The following NFIL3 variants were observed in gnomAD, a reference collection of about 807,000 sequenced individuals.
NFIL3 encodes nuclear factor, interleukin 3 regulated.
NFIL3 carries 5 observed loss-of-function variants against 10.0 expected under a neutral mutation model. The observed-to-expected ratio is 0.50, with a 90% CI of 0.26 to 1.06. NFIL3 has a LOEUF of 1.06. Ranked by LOEUF, NFIL3 falls within the 50% of genes least tolerant of loss-of-function variation. The pLI, the probability that NFIL3 is intolerant of heterozygous loss-of-function variation, is 0.13. For synonymous variants in NFIL3, 202 were observed against 206.5 expected, an observed-to-expected ratio of 0.98 and a Z score of 0.19; for missense variants, 436 against 547.6, an observed-to-expected ratio of 0.80 and a Z score of 2.03.
the NFIL3 span, among the ~76,000 whole-genome samples, chr9:91,482,368 C>G: frequency 2.6e-5 from 4 of 151,700 alleles, no homozygotes; most frequent in Non-Finnish European, 5.9e-5. Context: ...AAAGTTATGG[C>G]AAAGAGTACA....
chr9:91,423,175 A>T (rs575079903), intron 1 of NFIL3, among the ~76,000 whole-genome samples: 2 of 152,186 alleles, frequency 1.3e-5, no homozygotes, highest in Non-Finnish European at 2.9e-5. Context: ...TCACCAAGCA[A>T]ATTAAGACTA....
the NFIL3 span, among the ~76,000 whole-genome samples, chr9:91,446,018 C>T: frequency 2.0e-5 from 3 of 152,172 alleles, no homozygotes; most frequent in Admixed American, 6.5e-5. Flanking sequence ...CGGTGTAGAA[C>T]AGCAGCAGCT....
upstream of NFIL3, among the ~76,000 whole-genome samples, chr9:91,425,941 T>C (rs1340590380): frequency 6.6e-6 from 1 of 152,230 alleles, no homozygotes; most frequent in African/African-American, 2.4e-5. Flanking sequence ...CTGTCCTGCA[T>C]AATCTACCCT....
chr9:91,439,707 GT>G, the NFIL3 span, among the ~76,000 whole-genome samples: 20,303 of 152,086 alleles, frequency 0.13, 1,508 homozygotes, highest in East Asian at 0.34. Flanking sequence ...GCTGTTGAGA[GT>G]TTTTTATCAA....
chr9:91,439,736 C>T, the NFIL3 span, among the ~76,000 whole-genome samples: 2 of 152,178 alleles, frequency 1.3e-5, no homozygotes, highest in South Asian at 2.1e-4. Flanking sequence ...TGTTGGACTT[C>T]GTTAAATGCT....
chr9:91,459,040 G>A, the NFIL3 span, among the ~76,000 whole-genome samples: 7,932 of 152,190 alleles, frequency 0.052, 351 homozygotes, highest in East Asian at 0.16. Flanking sequence ...TAAGTGTTTC[G>A]TTTGCATAAG....
At chr9:91,412,789 T>C (rs761614831) in intron 1 of NFIL3, among the ~76,000 whole-genome samples, 1 of 150,580 alleles carries the variant, frequency 6.6e-6, no homozygotes, top group Non-Finnish European at 1.5e-5. Flanking sequence ...GAGGCGGAGG[T>C]TGCAGTGAGC....
Position 91,410,851 on chromosome 9 carries a change from G to A in NFIL3, c.-117C>T, listed in dbSNP as rs574977804. The A allele has an allele frequency of 2.6e-4, 292 of 1,123,212 alleles. No homozygotes were observed. The African/African-American group carries it at 3.8e-3, about 15-fold the overall frequency. The allele number at this position is 1,123,212 out of a possible 1,614,324, so 69.6% of individuals were successfully genotyped here. A position where few individuals can be genotyped will look rare whatever the true frequency, so the allele number is the denominator to read the frequency against. ...TCAATATTCTTCCTTTTGTTCTACCGTCTGGGATAAATCCGTCAGGCTCCT... is the reference window on the plus strand; with the variant it reads ...TCAATATTCTTCCTTTTGTTCTACCATCTGGGATAAATCCGTCAGGCTCCT... On this transcript the variant is annotated 5_prime_UTR_variant, in exon 2 of 2. It adds an upstream start codon to the 5' untranslated region. Transcript: ENST00000297689. This position sits in a 1 kb window ranked among gnomAD's most constrained non-coding sequence, Gnocchi z 5.7.
At chr9:91,477,905 T>G in the NFIL3 span, among the ~76,000 whole-genome samples, 3 of 152,230 alleles carry the variant, frequency 2.0e-5, no homozygotes, top group Admixed American at 6.5e-5. Flanking sequence ...GCTTTGCTTA[T>G]GAAGCTTGGT....
chr9:91,455,901 A>G, the NFIL3 span, among the ~76,000 whole-genome samples: 1 of 152,152 alleles, frequency 6.6e-6, no homozygotes, highest in Non-Finnish European at 1.5e-5. Context: ...GTTAATGAAC[A>G]TGTATATCAC....
At chr9:91,451,285 A>G in the NFIL3 span, among the ~76,000 whole-genome samples, 1 of 152,242 alleles carries the variant, frequency 6.6e-6, no homozygotes, top group African/African-American at 2.4e-5. Flanking sequence ...CTTCATATAC[A>G]GAATTTCTAT....
chr9:91,439,689 A>G, the NFIL3 span, among the ~76,000 whole-genome samples: 1 of 150,620 alleles, frequency 6.6e-6, no homozygotes, highest in Non-Finnish European at 1.5e-5. Flanking sequence ...CTTTCCTTCT[A>G]AATCTAAGCT....
chr9:91,436,349 CG>C, the NFIL3 span, among the ~76,000 whole-genome samples: 1 of 152,020 alleles, frequency 6.6e-6, no homozygotes, highest in Non-Finnish European at 1.5e-5. Context: ...AGGCCGAAGG[CG>C]GGCGGATCGC....
intron 1 of NFIL3, among the ~76,000 whole-genome samples, chr9:91,414,238 T>C (rs1408122811): frequency 1.3e-5 from 2 of 152,314 alleles, no homozygotes; most frequent in East Asian, 3.9e-4. Flanking sequence ...AGTTTCACTC[T>C]TGTTGCCCAG....
At chr9:91,446,884 T>C in the NFIL3 span, among the ~76,000 whole-genome samples, 1 of 152,078 alleles carries the variant, frequency 6.6e-6, no homozygotes, top group Admixed American at 6.6e-5. Flanking sequence ...GGCATGGTCT[T>C]GGCTCACAGC....
At chr9:91,440,204 T>A in the NFIL3 span, among the ~76,000 whole-genome samples, 1 of 152,112 alleles carries the variant, frequency 6.6e-6, no homozygotes, top group Non-Finnish European at 1.5e-5. Context: ...TATTATTCTG[T>A]TCAAGCTTTC....
At chr9:91,480,338 G>T in the NFIL3 span, among the ~76,000 whole-genome samples, 1 of 152,014 alleles carries the variant, frequency 6.6e-6, no homozygotes, top group Non-Finnish European at 1.5e-5. Context: ...AGTTAAACCC[G>T]TGTGTGAGCT....
the NFIL3 span, among the ~76,000 whole-genome samples, chr9:91,472,404 T>C: frequency 6.6e-6 from 1 of 152,196 alleles, no homozygotes; most frequent in African/African-American, 2.4e-5. Flanking sequence ...TGTTAATTTC[T>C]TTTTACTCTT....
chr9:91,461,950 A>T, the NFIL3 span, among the ~76,000 whole-genome samples: 1 of 152,074 alleles, frequency 6.6e-6, no homozygotes, highest in African/African-American at 2.4e-5. Flanking sequence ...AATCACGGTC[A>T]TTGTTCTATA....
Sources: allele counts gnomAD v4.1 joint callset (sites outside exome capture counted in the v4.1 genomes callset), GRCh38; gene constraint gnomAD v4.1.1; non-coding constraint Gnocchi (gnomAD v3.1); transcripts MANE v1.5; gene names NCBI Gene and HGNC (gene_info 2026-07-23, HGNC 2026-07-21).